FCHO2: variants seen among roughly 807,000 people sequenced by gnomAD.
The protein encoded by FCHO2 is FCH and mu domain containing endocytic adaptor 2, also known as F-BAR domain only protein 2.
A neutral mutation model predicts 114.1 loss-of-function variants in FCHO2; 43 were observed. The ratio of observed to expected loss-of-function variants is 0.38; its 90% CI spans 0.30 to 0.49. The LOEUF (loss-of-function observed/expected upper bound fraction) is 0.49, where lower values mean the gene tolerates loss of function less well. Ranked by LOEUF, FCHO2 falls within the 20% of genes least tolerant of loss-of-function variation. The probability of loss-of-function intolerance (pLI) is 0.97; values close to 1 mark genes in which losing one functional copy is unlikely to be tolerated. For missense variants in FCHO2, 807 were observed against 950.4 expected, an observed-to-expected ratio of 0.85 and a Z score of 1.98; for synonymous variants, 293 against 315.2, an observed-to-expected ratio of 0.93 and a Z score of 0.75.
chr5:73,001,013 A>G lies in FCHO2; in HGVS notation c.496-5432A>G, dbSNP rs187241760. Reference sequence around the variant, plus strand: ...GAATTTATAGCATTCCTAACTAAGCATAATATGTTATTTAGAAAGTTGTTT... The same window carrying G: ...GAATTTATAGCATTCCTAACTAAGCGTAATATGTTATTTAGAAAGTTGTTT... On this transcript the variant is annotated intron_variant, in intron 5 of 25. Coordinates refer to ENST00000430046, the MANE Select transcript of FCHO2 (RefSeq NM_138782.3). 4.1e-3 allele frequency among the ~76,000 whole-genome samples: 624 copies of G among 152,330 alleles called. 3 individuals carry two copies. The highest frequency in any genetic ancestry group is 0.014 in the African/African-American group (594 of 41,578).
At chr5:73,070,619 G>A (rs1580200280) in intron 19 of FCHO2, among the ~76,000 whole-genome samples, 1 of 144,342 alleles carries the variant, frequency 6.9e-6, no homozygotes, top group East Asian at 2.0e-4. Flanking sequence ...TTTTGTGTTT[G>A]TGATGGAAAC....
At position 73,027,006 on chromosome 5, in the gene FCHO2, T is replaced by TG. The variant is rs1489633281; in HGVS notation, c.797-7651_797-7650insG. ...GGCACCTGGCCTGTCATTGTTTTTTTTTTGTTTGTTTGTTTTTTTTTTTTT... is the reference window on the plus strand; with the variant it reads ...GGCACCTGGCCTGTCATTGTTTTTTTGTTTGTTTGTTTGTTTTTTTTTTTTT... On this transcript the variant is annotated intron_variant, in intron 8 of 25. Transcript: ENST00000430046. Among the ~76,000 whole-genome samples the TG allele has an allele frequency of 4.9e-4, 72 of 146,352 alleles. No homozygotes were observed. In the South Asian group the frequency reaches 0.011, roughly 22 times the overall value.
chr5:73,080,620 T>C (rs1743062847), intron 22 of FCHO2, among the ~76,000 whole-genome samples: 1 of 152,176 alleles, frequency 6.6e-6, no homozygotes, highest in African/African-American at 2.4e-5. Flanking sequence ...TCCTACTTTA[T>C]ATTTCTCTAT....
At chr5:72,999,338 TATAAC>T (rs1285931602) in intron 5 of FCHO2, among the ~76,000 whole-genome samples, 1 of 151,752 alleles carries the variant, frequency 6.6e-6, no homozygotes, top group African/African-American at 2.4e-5. Flanking sequence ...CTATAGGTGT[TATAAC>T]ATAATTTGGT....
intron 5 of FCHO2, chr5:72,997,676 TG>T (rs2112688931): frequency 1.3e-6 from 2 of 1,544,704 alleles, no homozygotes; most frequent in Non-Finnish European, 1.8e-6. Flanking sequence ...GAGTTGGGGT[TG>T]GGGGAAAGGG....
At chr5:73,042,001 G>A (rs762821245) in intron 11 of FCHO2, among the ~76,000 whole-genome samples, 19 of 152,146 alleles carry the variant, frequency 1.2e-4, no homozygotes, top group African/African-American at 4.3e-4. Flanking sequence ...TCTTACCTGC[G>A]TAACTATTGT....
intron 1 of FCHO2, among the ~76,000 whole-genome samples, chr5:72,965,175 C>T (rs561607776): frequency 6.6e-6 from 1 of 152,054 alleles, no homozygotes; most frequent in East Asian, 1.9e-4. Context: ...TGTGGTTGAA[C>T]GTCCCGTATA....
intron 8 of FCHO2, among the ~76,000 whole-genome samples, chr5:73,029,641 A>G (rs1393491843): frequency 2.0e-5 from 3 of 152,236 alleles, no homozygotes; most frequent in Admixed American, 6.5e-5. Flanking sequence ...TATAGGAAGC[A>G]TGGTGCTGGC....
At chr5:73,083,730 A>T (rs1330722622) in intron 24 of FCHO2, among the ~76,000 whole-genome samples, 3 of 152,106 alleles carry the variant, frequency 2.0e-5, no homozygotes, top group Non-Finnish European at 4.4e-5. Flanking sequence ...CATCTGTTTT[A>T]AAAATACAAA....
intron 25 of FCHO2, 145 bp downstream of exon 25, chr5:73,087,898 C>T (rs1315078150): frequency 4.4e-6 from 6 of 1,364,986 alleles, no homozygotes; most frequent in Non-Finnish European, 6.1e-6. Flanking sequence ...GGTAGAGACA[C>T]ACCTGGGAGA....
chr5:73,054,492 T>C (rs1216369751), intron 14 of FCHO2, 33 bp from the exon 15 acceptor site: 3 of 1,520,710 alleles, frequency 2.0e-6, no homozygotes, highest in Non-Finnish European at 2.7e-6. Flanking sequence ...AATTCATTTG[T>C]TTTATGGTAC....
At chr5:72,956,523 T>C (rs1187289340) in intron 1 of FCHO2, among the ~76,000 whole-genome samples, 1 of 151,992 alleles carries the variant, frequency 6.6e-6, no homozygotes, top group African/African-American at 2.4e-5. Context: ...CGCTGCGCGC[T>C]GGCTGGGAGC....
intron 8 of FCHO2, 187 bp from the exon 9 acceptor site, chr5:73,034,470 A>G (rs1269257841): frequency 2.0e-6 from 1 of 491,258 alleles, no homozygotes; most frequent in Non-Finnish European, 3.5e-6. Context: ...TGTTAGAATT[A>G]TTTGATTTTT....
At chr5:73,021,184 G>C in intron 8 of FCHO2, 3 of 768,908 alleles carry the variant, frequency 3.9e-6, no homozygotes, top group Non-Finnish European at 7.3e-6. Flanking sequence ...CTGGTGAACC[G>C]GCTGTAGAGC....
At chr5:72,990,895 T>A in intron 5 of FCHO2, 31 bp downstream of exon 5, 1 of 1,521,768 alleles carries the variant, frequency 6.6e-7, no homozygotes, top group East Asian at 2.5e-5. Flanking sequence ...ATATCTGTGG[T>A]TTCAAAGCAC....
chr5:73,059,796 A>G (rs1167901343), intron 17 of FCHO2, among the ~76,000 whole-genome samples: 1 of 151,928 alleles, frequency 6.6e-6, no homozygotes, highest in Non-Finnish European at 1.5e-5. Flanking sequence ...ACTATTTAGT[A>G]TTATAAAATT....
intron 10 of FCHO2, among the ~76,000 whole-genome samples, chr5:73,039,642 G>A (rs931268992): frequency 6.6e-6 from 1 of 151,952 alleles, no homozygotes; most frequent in African/African-American, 2.4e-5. Context: ...AAAGTCACCT[G>A]GGGGGCCAGG....
intron 2 of FCHO2, among the ~76,000 whole-genome samples, chr5:72,984,888 G>C (rs947569958): frequency 6.6e-6 from 1 of 151,888 alleles, no homozygotes; most frequent in Non-Finnish European, 1.5e-5. Flanking sequence ...CTTCTGCCTC[G>C]GCCTCCCAAA....
intron 22 of FCHO2, among the ~76,000 whole-genome samples, chr5:73,081,357 A>G (rs1397449965): frequency 2.0e-5 from 3 of 152,206 alleles, no homozygotes; most frequent in African/African-American, 7.2e-5. Flanking sequence ...AACTTGTGGT[A>G]CTACGTGGTG....
Sources: allele counts gnomAD v4.1 joint callset (sites outside exome capture counted in the v4.1 genomes callset), GRCh38; gene constraint gnomAD v4.1.1; transcripts MANE v1.5; gene names NCBI Gene and HGNC (gene_info 2026-07-23, HGNC 2026-07-21).